The following PATL1 variants were observed in gnomAD, a reference collection of about 807,000 sequenced individuals.
PATL1 encodes the protein protein PAT1 homolog 1.
In PATL1, 32 loss-of-function variants were observed where a neutral mutation model predicts 100.6. The observed-to-expected ratio is 0.32, with a 90% CI of 0.24 to 0.43. The LOEUF is 0.43. PATL1 is among the 20% of genes least tolerant of loss of function. The pLI, the probability that PATL1 is intolerant of heterozygous loss-of-function variation, is 1.00. For missense variants in PATL1, 747 were observed against 949.9 expected (o/e 0.79, Z 2.81); for synonymous variants, 332 against 330.0 (o/e 1.01, Z -0.07).
At chr11:59,659,738 C>T (rs1260839655) in intron 2 of PATL1, among the ~76,000 whole-genome samples, 1 of 151,998 alleles carries the variant, frequency 6.6e-6, no homozygotes, top group Non-Finnish European at 1.5e-5. Context: ...TGGGGTTTCA[C>T]CATGCTGGCC....
At chr11:59,663,145 G>A (rs1861649028) in intron 2 of PATL1, among the ~76,000 whole-genome samples, 1 of 151,998 alleles carries the variant, frequency 6.6e-6, no homozygotes, top group South Asian at 2.1e-4. Flanking sequence ...TCCATTATTG[G>A]TCAAAATGAT....
chr11:59,656,052 TAAAAAAAAA>T lies in PATL1; in HGVS notation c.724-16_724-8del. On this transcript the variant is annotated splice_polypyrimidine_tract_variant and splice_region_variant and intron_variant, in intron 6 of 18. Coordinates refer to ENST00000300146, the MANE Select transcript of PATL1 (RefSeq NM_152716.3). ...GACCCAGGAGGGAAGAGTTCTAAGG[TAAAAAAAAA>T]AAAAAAAAAAAGAATATGCTATAAA... 12 of 765,732 alleles carry T rather than the reference TAAAAAAAAA, an allele frequency of 1.6e-5. No individual in the cohort carries two copies. The highest frequency in any genetic ancestry group is 6.4e-5 in the South Asian group (2 of 31,142). The allele number at this position is 765,732 out of a possible 1,614,324, so 47.4% of individuals were successfully genotyped here.
chr11:59,656,561 G>A lies in PATL1; in HGVS notation c.661C>T (p.Pro221Ser). Residue 221 changes from proline (P) to serine (S), a missense_variant, in exon 6 of 19, where the codon CCA becomes TCA. Pro to Ser is a moderately conservative substitution (Grantham distance 74, BLOSUM62 -1). Transcript: ENST00000300146. ...PKPVHVRPPM[P>S]PRYPAPYGER... is the part of the protein sequence containing the mutation. The stretch of plus-strand genomic sequence containing the variant: ...CCATAGGGAGCAGGATAACGAGGTG[G>A]CATTGGGGGCCGAACATGGACAGGC... The A allele has an allele frequency of 6.2e-7, 1 of 1,613,960 alleles. No homozygotes were observed. Among genetic ancestry groups the A allele is most frequent in the Non-Finnish European group, 8.5e-7 (1 of 1,179,880 alleles).
chr11:59,668,841 G>T, intron 1 of PATL1, 40 bp downstream of exon 1: 1 of 1,246,092 alleles, frequency 8.0e-7, no homozygotes, highest in Non-Finnish European at 1.1e-6. Context: ...AGAGGGGCGC[G>T]GGAGGGAGGG....
intron 16 of PATL1, among the ~76,000 whole-genome samples, chr11:59,641,186 A>G (rs777593712): frequency 1.4e-4 from 21 of 151,452 alleles, no homozygotes; most frequent in Admixed American, 2.6e-4. Context: ...AAAAAAAGTC[A>G]ATCAGGCATG....
intron 15 of PATL1, among the ~76,000 whole-genome samples, chr11:59,646,339 A>AC (rs1861365822): frequency 7.7e-6 from 1 of 130,140 alleles, no homozygotes; most frequent in Non-Finnish European, 1.6e-5. Context: ...TGTCCAGCTC[A>AC]TTTTTTTCTT....
chr11:59,663,412 G>T (rs933139953), intron 2 of PATL1, among the ~76,000 whole-genome samples: 1 of 152,092 alleles, frequency 6.6e-6, no homozygotes, highest in African/African-American at 2.4e-5. Context: ...GAAGGAGGGT[G>T]ATTCCTTCCA....
chr11:59,640,686 C>T (rs929075780), intron 16 of PATL1, among the ~76,000 whole-genome samples: 1 of 150,796 alleles, frequency 6.6e-6, no homozygotes, highest in Admixed American at 6.6e-5. Context: ...CGCCACTGCA[C>T]TCCAGCCTGG....
At chr11:59,639,262 A>G in intron 17 of PATL1, 30 bp downstream of exon 17, 1 of 1,567,860 alleles carries the variant, frequency 6.4e-7, no homozygotes. Flanking sequence ...CAAAGAACTT[A>G]AAATAAGAGA....
intron 1 of PATL1, 95 bp downstream of exon 1, chr11:59,668,786 T>C (rs945080551): frequency 5.2e-6 from 3 of 578,324 alleles, no homozygotes; most frequent in Admixed American, 5.5e-5. Context: ...GCCCGCCCCC[T>C]GCCCCGCAGG....
chr11:59,653,109 T>G, intron 9 of PATL1, 91 bp from the exon 10 acceptor site: 1 of 1,214,464 alleles, frequency 8.2e-7, no homozygotes, highest in East Asian at 2.4e-5. Context: ...TTTTTTTTTT[T>G]TTTTTAAAGA....
Position 59,637,847 on chromosome 11 carries a change from T to C in PATL1, c.*543A>G, listed in dbSNP as rs1431722700. ...TGTTTAGAAGAGGTAATGAGACAACTAAATATTTTTCAATCTAAAATTCAT... is the reference window on the plus strand; with the variant it reads ...TGTTTAGAAGAGGTAATGAGACAACCAAATATTTTTCAATCTAAAATTCAT... On this transcript the variant is annotated 3_prime_UTR_variant, in exon 19 of 19. Coordinates refer to ENST00000300146, the MANE Select transcript of PATL1 (RefSeq NM_152716.3). 2 of 153,854 alleles carry C rather than the reference T, an allele frequency of 1.3e-5. No homozygotes were observed. The highest frequency in any genetic ancestry group is 4.8e-5 in the African/African-American group (2 of 41,448). 9.5% of individuals were successfully genotyped at this position (153,854 alleles called of 1,614,324 possible). A position where few individuals can be genotyped will look rare whatever the true frequency, so the allele number is the denominator to read the frequency against.
At chr11:59,666,488 A>G (rs571437950) in intron 2 of PATL1, among the ~76,000 whole-genome samples, 1 of 152,328 alleles carries the variant, frequency 6.6e-6, no homozygotes, top group South Asian at 2.1e-4. Context: ...CTAGTTTTCC[A>G]TAAGTTATAT....
intron 18 of PATL1, among the ~76,000 whole-genome samples, chr11:59,638,752 C>A (rs1861229531): frequency 6.6e-6 from 1 of 152,118 alleles, no homozygotes; most frequent in South Asian, 2.1e-4. Context: ...GTGATCTCAG[C>A]TCACTGCAAT....
chr11:59,658,714 A>T (rs1215167974), intron 4 of PATL1, among the ~76,000 whole-genome samples, 152 bp downstream of exon 4: 3 of 152,214 alleles, frequency 2.0e-5, no homozygotes, highest in Non-Finnish European at 4.4e-5. Flanking sequence ...CCTGGAGGCT[A>T]AAGAAAGGCA....
At chr11:59,652,157 A>G (rs1861457179) in intron 11 of PATL1, among the ~76,000 whole-genome samples, 1 of 150,982 alleles carries the variant, frequency 6.6e-6, no homozygotes, top group African/African-American at 2.4e-5. Flanking sequence ...TCTCTGTTAC[A>G]ATAATTATCA....
chr11:59,664,396 C>T (rs1861661747), intron 2 of PATL1, among the ~76,000 whole-genome samples: 1 of 152,202 alleles, frequency 6.6e-6, no homozygotes, highest in Admixed American at 6.5e-5. Context: ...AGGTTGAAAA[C>T]TGAGAACATG....
intron 16 of PATL1, among the ~76,000 whole-genome samples, chr11:59,641,956 C>A (rs1861288031): frequency 6.6e-6 from 1 of 152,102 alleles, no homozygotes; most frequent in Non-Finnish European, 1.5e-5. Context: ...GAGCAAGAGG[C>A]CTTGAGACCA....
At chr11:59,657,752 A>G (rs1485156867) in intron 4 of PATL1, 28 bp from the exon 5 acceptor site, 1 of 1,501,988 alleles carries the variant, frequency 6.7e-7, no homozygotes, top group South Asian at 1.3e-5. Context: ...AAAATAAAAT[A>G]GAAATTAACT....
Sources: allele counts gnomAD v4.1 joint callset (sites outside exome capture counted in the v4.1 genomes callset), GRCh38; gene constraint gnomAD v4.1.1; transcripts MANE v1.5; gene names NCBI Gene and HGNC (gene_info 2026-07-23, HGNC 2026-07-21).